SORBS2: variants seen among roughly 807,000 people sequenced by gnomAD.
SORBS2 encodes sorbin and SH3 domain containing 2, also known as sorbin and SH3 domain-containing protein 2.
SORBS2 carries 46 observed loss-of-function variants against 97.7 expected under a neutral mutation model. The ratio of observed to expected loss-of-function variants is 0.47; its 90% CI spans 0.37 to 0.60. SORBS2 has a LOEUF of 0.60. Ranked by LOEUF, SORBS2 falls within the 20% of genes least tolerant of loss-of-function variation. The pLI, the probability that SORBS2 is intolerant of heterozygous loss-of-function variation, is 0.00. For synonymous variants in SORBS2, 476 were observed against 473.4 expected, an observed-to-expected ratio of 1.01 and a Z score of -0.07; for missense variants, 1,316 against 1,282.3, an observed-to-expected ratio of 1.03 and a Z score of -0.40.
chr4:185,895,945 A>T (rs1195478256), intron 1 of SORBS2, among the ~76,000 whole-genome samples: 1 of 152,194 alleles, frequency 6.6e-6, no homozygotes, highest in East Asian at 1.9e-4. Context: ...AGCCAGAGAG[A>T]ATGATCAGTA....
intron 1 of SORBS2, among the ~76,000 whole-genome samples, chr4:185,954,991 C>T (rs1041603635): frequency 1.3e-5 from 2 of 152,098 alleles, no homozygotes; most frequent in Non-Finnish European, 2.9e-5. Context: ...TACCACCGGG[C>T]TAGCAATTTA....
rs1420919970 is a variant in SORBS2 at position 185,910,001 on chromosome 4, A to AG, written c.-338+46194_-338+46195insC. 1.2e-3 allele frequency among the ~76,000 whole-genome samples: 187 copies of AG among 151,760 alleles called. 1 individual carries two copies. The highest frequency in any genetic ancestry group is 4.0e-3 in the African/African-American group (166 of 41,362). On this transcript the variant is annotated intron_variant, in intron 1 of 20. Transcript: ENST00000284776. ...TCCATCTCAGAAAAAAAAAAAAAAA[A>AG]AAAGAAAAGAAATATATTCCCTTCA...
intron 2 of SORBS2, among the ~76,000 whole-genome samples, chr4:185,756,324 T>C (rs1218307052): frequency 6.6e-6 from 1 of 152,230 alleles, no homozygotes; most frequent in Non-Finnish European, 1.5e-5. Context: ...ATAATTTTGC[T>C]GTTTATGTCA....
chr4:185,884,108 G>C (rs1366598677), intron 1 of SORBS2, among the ~76,000 whole-genome samples: 2 of 152,164 alleles, frequency 1.3e-5, no homozygotes, highest in Non-Finnish European at 2.9e-5. Context: ...TATCTGGATT[G>C]TGGTGAAGTT....
chr4:185,697,820 G>T (rs1430357740), intron 2 of SORBS2, among the ~76,000 whole-genome samples: 1 of 152,150 alleles, frequency 6.6e-6, no homozygotes, highest in Non-Finnish European at 1.5e-5. Flanking sequence ...ATTTTGAGGA[G>T]AAAAGCCTTG....
In SORBS2 at chr4:185,944,939, C is replaced by T. The variant is rs1038925032; in HGVS notation, c.-338+11257G>A. On this transcript the variant is annotated intron_variant, in intron 1 of 20. Coordinates refer to the SORBS2 transcript ENST00000284776. ...ACTCTGTCACTGAATTTCTCCAATGCAGCAGCCAACAATTTATAGGAAAAA... is the reference window on the plus strand; with the variant it reads ...ACTCTGTCACTGAATTTCTCCAATGTAGCAGCCAACAATTTATAGGAAAAA... Among the ~76,000 whole-genome samples the T allele has an allele frequency of 5.9e-5, 9 of 152,298 alleles. No homozygotes were observed. In the South Asian group the frequency reaches 1.2e-3, roughly 21 times the overall value.
intron 12 of SORBS2, among the ~76,000 whole-genome samples, chr4:185,598,217 T>A (rs1441659218): frequency 2.0e-5 from 3 of 150,422 alleles, no homozygotes; most frequent in African/African-American, 7.5e-5. Flanking sequence ...CCTTGATGAA[T>A]CTTAAGAGTA....
chr4:185,912,137 CTCTT>C (rs2099255480), intron 1 of SORBS2, among the ~76,000 whole-genome samples: 1 of 152,132 alleles, frequency 6.6e-6, no homozygotes. Flanking sequence ...CCCTAAAAAA[CTCTT>C]TCAGTAAGTG....
chr4:185,610,764 C>A (rs10015530), intron 12 of SORBS2, among the ~76,000 whole-genome samples: 1 of 151,820 alleles, frequency 6.6e-6, no homozygotes, highest in African/African-American at 2.4e-5. Flanking sequence ...TACCAGCTCT[C>A]GATGGTTTAG....
chr4:185,690,673 G>C (rs1410571007), intron 2 of SORBS2, 62 bp from the exon 4 acceptor site: 6 of 677,788 alleles, frequency 8.9e-6, no homozygotes. Context: ...TCATGAAAGT[G>C]TGTCGCATTT....
chr4:185,806,707 C>A (rs1270152632), intron 1 of SORBS2, among the ~76,000 whole-genome samples: 3 of 152,046 alleles, frequency 2.0e-5, no homozygotes, highest in Admixed American at 1.3e-4. Context: ...ATCCGCCCGC[C>A]TCGGCCTCCC....
intron 1 of SORBS2, among the ~76,000 whole-genome samples, chr4:185,824,430 C>T (rs761434724): frequency 4.6e-5 from 7 of 152,178 alleles, no homozygotes; most frequent in Non-Finnish European, 5.9e-5. Flanking sequence ...TGCAATGACC[C>T]TATTTCCAAA....
intron 1 of SORBS2, among the ~76,000 whole-genome samples, chr4:185,908,108 T>C (rs2099252157): frequency 6.6e-6 from 1 of 151,626 alleles, no homozygotes; most frequent in African/African-American, 2.4e-5. Flanking sequence ...AGGATATTGC[T>C]TTTGCTTTCT....
chr4:185,911,305 G>A (rs1283363608), intron 1 of SORBS2, among the ~76,000 whole-genome samples: 1 of 152,162 alleles, frequency 6.6e-6, no homozygotes, highest in Non-Finnish European at 1.5e-5. Context: ...ATGGCTCACT[G>A]CAGCCTTGAC....
At chr4:185,819,948 TTC>T (rs2099195686) in intron 1 of SORBS2, among the ~76,000 whole-genome samples, 1 of 152,254 alleles carries the variant, frequency 6.6e-6, no homozygotes, top group East Asian at 1.9e-4. Context: ...CTCTTTGTGC[TTC>T]TGTTTCCTCA....
At chr4:185,651,801 G>A (rs775426546) in intron 2 of SORBS2, 15 of 1,505,334 alleles carry the variant, frequency 1.0e-5, no homozygotes, top group Non-Finnish European at 9.2e-7. Flanking sequence ...GTATGTATAA[G>A]GAGTATTATA....
chr4:185,861,131 T>C (rs926385359), intron 1 of SORBS2, among the ~76,000 whole-genome samples: 5 of 152,070 alleles, frequency 3.3e-5, no homozygotes, highest in Non-Finnish European at 7.4e-5. Flanking sequence ...AAACAGTCTG[T>C]TTTGTCGGCA....
At position 185,635,353 on chromosome 4, in the gene SORBS2, A is replaced by C. The variant is rs2096978245; in HGVS notation, c.397-4755T>G. 9 of 1,609,794 alleles carry C rather than the reference A, an allele frequency of 5.6e-6. No homozygotes were observed. Among genetic ancestry groups the C allele is most frequent in the Non-Finnish European group, 7.7e-6 (9 of 1,176,234 alleles). On this transcript the variant is annotated intron_variant, in intron 4 of 14. Coordinates refer to ENST00000418609, the Ensembl canonical transcript of SORBS2. ...GAAAAAGAGAGAATAACGTGTTTTT[A>C]CCTCATTGAAAACACCAGAAGAATG...
intron 2 of SORBS2, among the ~76,000 whole-genome samples, chr4:185,756,719 C>CTTTTTTTTTTTTTT (rs56955640): frequency 7.6e-6 from 1 of 131,598 alleles, no homozygotes; most frequent in Non-Finnish European, 1.6e-5. Flanking sequence ...ACTGTTAAAG[C>CTTTTTTTTTTTTTT]TTTTTTTTTT....
Sources: allele counts gnomAD v4.1 joint callset (sites outside exome capture counted in the v4.1 genomes callset), GRCh38; gene constraint gnomAD v4.1.1; transcripts MANE v1.5; gene names NCBI Gene and HGNC (gene_info 2026-07-23, HGNC 2026-07-21).